Variants in ZDHHC20 observed in about 807,000 individuals in gnomAD.
ZDHHC20 encodes the protein palmitoyltransferase ZDHHC20.
ZDHHC20 carries 43 observed loss-of-function variants against 57.8 expected under a neutral mutation model. The observed-to-expected ratio is 0.74, with a 90% confidence interval of 0.58 to 0.96. ZDHHC20 has a LOEUF of 0.96. Among genes scored for constraint, ZDHHC20 ranks in the 40% least tolerant of loss-of-function variants. ZDHHC20 has a pLI of 0.00. For synonymous variants in ZDHHC20, 157 were observed against 153.0 expected, an observed-to-expected ratio of 1.03 and a Z score of -0.19; for missense variants, 391 against 441.1, an observed-to-expected ratio of 0.89 and a Z score of 1.02.
intron 1 of ZDHHC20, among the ~76,000 whole-genome samples, chr13:21,446,485 A>C (rs1237650085): frequency 6.6e-6 from 1 of 152,250 alleles, no homozygotes; most frequent in Non-Finnish European, 1.5e-5. Flanking sequence ...ATAAAAATTA[A>C]TTCTTCCTAT....
chr13:21,380,944 T>TC lies in ZDHHC20; in HGVS notation c.1060+489dup, dbSNP rs1350714196. Reference sequence around the variant, plus strand: ...GCTATACTCTCCTCGCTCTATCCCTTCCTCATAGAAGCTACTAAGAAACAC... The same window carrying TC: ...GCTATACTCTCCTCGCTCTATCCCTTCCCTCATAGAAGCTACTAAGAAACAC... On this transcript the variant is annotated intron_variant, in intron 11 of 12. Transcript: ENST00000400590. Among the ~76,000 whole-genome samples, 3 of 152,008 alleles carry TC rather than the reference T, an allele frequency of 2.0e-5. No individual in the cohort carries two copies. The East Asian group carries it at 5.8e-4, about 29-fold the overall frequency.
At chr13:21,393,100 A>C (rs1876043991) in intron 7 of ZDHHC20, among the ~76,000 whole-genome samples, 1 of 152,184 alleles carries the variant, frequency 6.6e-6, no homozygotes, top group Non-Finnish European at 1.5e-5. Flanking sequence ...GTTGCTTTCT[A>C]ATGGCCATCT....
In ZDHHC20 at chr13:21,376,532, G is replaced by T; in HGVS notation, c.*164C>A. The T allele has an allele frequency of 1.4e-6, 1 of 693,408 alleles. No individual in the cohort carries two copies. Among genetic ancestry groups the T allele is most frequent in the African/African-American group, 1.9e-5 (1 of 53,610 alleles). 43.0% of individuals were successfully genotyped at this position (693,408 alleles called of 1,614,324 possible). A position where few individuals can be genotyped will look rare whatever the true frequency, so the allele number is the denominator to read the frequency against. On this transcript the variant is annotated 3_prime_UTR_variant, in exon 13 of 13. Coordinates refer to ENST00000400590, the MANE Select transcript of ZDHHC20 (RefSeq NM_001330059.2). ...GGAGTAGTGCTTCTGTGAATCCCAG[G>T]AACTGTACAAAGGCTTTCCGTTTTA...
intron 2 of ZDHHC20, 125 bp downstream of exon 2, chr13:21,425,527 A>C: frequency 1.5e-6 from 1 of 669,310 alleles, no homozygotes; most frequent in South Asian, 2.3e-5. Context: ...AATTACTTAA[A>C]ATGTAAAGAT....
intron 5 of ZDHHC20, 72 bp downstream of exon 5, chr13:21,402,725 T>C (rs1877876120): frequency 1.6e-6 from 2 of 1,253,240 alleles, no homozygotes; most frequent in African/African-American, 3.0e-5. Context: ...TATAAAATGT[T>C]CCTTCCCCTT....
At chr13:21,417,968 C>A (rs1004839471) in intron 3 of ZDHHC20, among the ~76,000 whole-genome samples, 2 of 152,186 alleles carry the variant, frequency 1.3e-5, no homozygotes, top group African/African-American at 4.8e-5. Context: ...TCAGTCAGCA[C>A]ACTGTAAGCT....
chr13:21,430,724 T>C (rs1362630974), intron 1 of ZDHHC20, among the ~76,000 whole-genome samples: 1 of 152,142 alleles, frequency 6.6e-6, no homozygotes, highest in Admixed American at 6.5e-5. Flanking sequence ...TTGGTCTGTA[T>C]TCATTGGTGT....
chr13:21,437,893 ATGT>A (rs752516492), intron 1 of ZDHHC20, among the ~76,000 whole-genome samples: 8 of 152,086 alleles, frequency 5.3e-5, no homozygotes, highest in Non-Finnish European at 1.0e-4. Flanking sequence ...GGGTTTCACC[ATGT>A]TAGCCAGGAT....
At chr13:21,430,327 T>G (rs1392663641) in intron 1 of ZDHHC20, among the ~76,000 whole-genome samples, 4 of 151,920 alleles carry the variant, frequency 2.6e-5, no homozygotes, top group African/African-American at 9.7e-5. Context: ...AGGGTAGAGG[T>G]GCCTCCTTAG....
chr13:21,423,693 A>T (rs1193367000), intron 2 of ZDHHC20, among the ~76,000 whole-genome samples: 1 of 150,616 alleles, frequency 6.6e-6, no homozygotes, highest in Non-Finnish European at 1.5e-5. Flanking sequence ...AGAAAAAGAA[A>T]AAATATATAT....
At chr13:21,386,850 A>C (rs887330299) in intron 9 of ZDHHC20, among the ~76,000 whole-genome samples, 1 of 152,226 alleles carries the variant, frequency 6.6e-6, no homozygotes, top group Non-Finnish European at 1.5e-5. Context: ...TGTCTGGCTA[A>C]TATCTAGAAT....
At chr13:21,407,290 A>C (rs2137827332) in intron 4 of ZDHHC20, among the ~76,000 whole-genome samples, 1 of 152,088 alleles carries the variant, frequency 6.6e-6, no homozygotes, top group East Asian at 1.9e-4. Flanking sequence ...CACCACACCC[A>C]GTTTCTTTCC....
chr13:21,395,067 T>A (rs1876525686), intron 7 of ZDHHC20, among the ~76,000 whole-genome samples: 1 of 65,210 alleles, frequency 1.5e-5, no homozygotes, highest in African/African-American at 5.8e-5. Context: ...TTTAAATTCT[T>A]TCTTTTTTTT....
At chr13:21,383,366 T>C (rs948382910) in intron 9 of ZDHHC20, among the ~76,000 whole-genome samples, 1 of 152,342 alleles carries the variant, frequency 6.6e-6, no homozygotes, top group Admixed American at 6.5e-5. Flanking sequence ...ACTCTTGTTG[T>C]CTGCCACCAT....
intron 1 of ZDHHC20, among the ~76,000 whole-genome samples, chr13:21,447,437 C>A (rs1428472679): frequency 6.8e-6 from 1 of 147,582 alleles, no homozygotes; most frequent in Non-Finnish European, 1.5e-5. Context: ...CGATTGCAGG[C>A]ACGCGCCGCC....
intron 1 of ZDHHC20, among the ~76,000 whole-genome samples, chr13:21,430,849 T>C (rs9580119): frequency 0.18 from 28,064 of 152,054 alleles, 3,106 homozygotes; most frequent in Non-Finnish European, 0.26. Context: ...TTCTTCTTGA[T>C]ACCTTTCAGA....
chr13:21,407,451 AC>A (rs1244890152), intron 4 of ZDHHC20, among the ~76,000 whole-genome samples: 1 of 152,116 alleles, frequency 6.6e-6, no homozygotes, highest in Non-Finnish European at 1.5e-5. Flanking sequence ...GTCTGTTCAT[AC>A]CCTTCGCCCA....
At position 21,373,010 on chromosome 13, in the gene ZDHHC20, TTTTAA is replaced by T. The variant is rs1871455356; in HGVS notation, c.*3681_*3685del. 6.6e-6 allele frequency: 1 copy of T among 152,160 alleles called. No individual in the cohort carries two copies. Among genetic ancestry groups the T allele is most frequent in the South Asian group, 2.1e-4 (1 of 4,834 alleles). The allele number at this position is 152,160 out of a possible 1,614,324, so 9.4% of individuals were successfully genotyped here. A position where few individuals can be genotyped will look rare whatever the true frequency, so the allele number is the denominator to read the frequency against. On this transcript the variant is annotated 3_prime_UTR_variant, in exon 13 of 13. Coordinates refer to ENST00000400590, the MANE Select transcript of ZDHHC20 (RefSeq NM_001330059.2). ...GAACCTTTCTGAATCTATATTACAT[TTTTAA>T]TTTAAATTGGAAAATACAGTTTAGA...
Position 21,378,652 on chromosome 13 carries a change from C to T in ZDHHC20, c.*40+9G>A, listed in dbSNP as rs148305737. 648 of 1,345,276 alleles carry T rather than the reference C, an allele frequency of 4.8e-4. 4 individuals are homozygous for T. In the Middle Eastern group the frequency reaches 6.4e-3, roughly 13 times the overall value. 83.3% of individuals were successfully genotyped at this position (1,345,276 alleles called of 1,614,324 possible). On this transcript the variant is annotated intron_variant, in intron 12 of 12. Transcript: ENST00000400590. ...CATTTATTCAAGGATTACCTTTATA[C>T]TGTCTTACCTTGCTCTTATTCAAAT...
Sources: allele counts gnomAD v4.1 joint callset (sites outside exome capture counted in the v4.1 genomes callset), GRCh38; gene constraint gnomAD v4.1.1; transcripts MANE v1.5; gene names NCBI Gene and HGNC (gene_info 2026-07-23, HGNC 2026-07-21).